GPRC6A: variants seen among roughly 807,000 people sequenced by gnomAD.
GPRC6A encodes the protein G protein-coupled receptor family C group 6 member A.
GPRC6A carries 54 observed loss-of-function variants against 47.0 expected under a neutral mutation model. The ratio of observed to expected loss-of-function variants is 1.15; its 90% CI spans 0.92 to 1.44. GPRC6A has a LOEUF of 1.44. Ranked by LOEUF, GPRC6A falls within the 40% of genes most tolerant of loss-of-function variation. GPRC6A has a pLI of 0.00. For synonymous variants in GPRC6A, 347 were observed against 377.1 expected, an observed-to-expected ratio of 0.92 and a Z score of 0.93; for missense variants, 1,112 against 1,105.5, an observed-to-expected ratio of 1.01 and a Z score of -0.08.
intron 1 of GPRC6A, 40 bp downstream of exon 1, chr6:116,828,780 C>G (rs752278193): frequency 3.2e-6 from 5 of 1,556,098 alleles, no homozygotes; most frequent in African/African-American, 2.7e-5. Flanking sequence ...AGTCTCATGA[C>G]AATCTTGAAA....
chr6:116,809,543 A>T lies in GPRC6A; in HGVS notation c.269T>A (p.Leu90Ter). 6.2e-7 allele frequency: 1 copy of T among 1,612,660 alleles called. No homozygotes were observed. Among genetic ancestry groups the T allele is most frequent in the Non-Finnish European group, 8.5e-7 (1 of 1,178,828 alleles). The change falls in exon 2 of 6, where the codon TTA (leucine) becomes TAA (stop). Residue 90 changes from leucine (L) to a stop codon, truncating the protein, a stop_gained. Coordinates refer to ENST00000310357, the MANE Select transcript of GPRC6A (RefSeq NM_148963.4). LOFTEE classifies it high-confidence loss of function. ...TTCATACCCCAGTTTGACTCCAGGT[A>T]AGAGTGTTGAATTGTTGATCATCTC... ...SIEMINNSTL[L>*]PGVKLGYEIY...
At chr6:116,822,656 A>G (rs1773531706) in intron 1 of GPRC6A, among the ~76,000 whole-genome samples, 1 of 147,366 alleles carries the variant, frequency 6.8e-6, no homozygotes, top group Non-Finnish European at 1.5e-5. Flanking sequence ...GTGGGAATTG[A>G]ACAATGAGAT....
intron 1 of GPRC6A, among the ~76,000 whole-genome samples, chr6:116,819,503 A>G (rs1368222523): frequency 2.6e-5 from 4 of 152,194 alleles, no homozygotes. Context: ...ATTATAACAA[A>G]CTATCTCTCA....
At position 116,792,303 on chromosome 6, in the gene GPRC6A, T is replaced by G. The variant is rs535754795; in HGVS notation, c.2620A>C (p.Met874Leu). The stretch of plus-strand genomic sequence containing the variant: ...TTGGTCATTGTGACATTGCCGCTCA[T>G]GGAGTCCAGTGAAGCAGGACTCAGG... The part of the protein sequence containing the change: ...IALSPASLDS[M>L]SGNVTMTNPS... The change falls in exon 6 of 6, where the codon ATG (methionine) becomes CTG (leucine). Residue 874 changes from methionine (M) to leucine (L), a missense_variant. Met to Leu is a conservative substitution (Grantham distance 15). Coordinates refer to ENST00000310357, the MANE Select transcript of GPRC6A (RefSeq NM_148963.4). The G allele has an allele frequency of 5.2e-5, 84 of 1,614,050 alleles. 1 individual carries two copies. In the South Asian group the frequency reaches 9.1e-4, roughly 18 times the overall value.
chr6:116,799,138 T>C (rs1562479244), intron 4 of GPRC6A, among the ~76,000 whole-genome samples: 1 of 152,062 alleles, frequency 6.6e-6, no homozygotes, highest in Non-Finnish European at 1.5e-5. Context: ...GGTGAGTAGG[T>C]TGGGAGAGAA....
At chr6:116,813,321 C>T (rs1773090018) in intron 1 of GPRC6A, among the ~76,000 whole-genome samples, 1 of 152,150 alleles carries the variant, frequency 6.6e-6, no homozygotes, top group Non-Finnish European at 1.5e-5. Flanking sequence ...GCAAAAAGAA[C>T]AAAGCTGGAG....
rs1340047317 is a variant in GPRC6A, at chr6:116,792,936, G to A, written c.1987C>T (p.Gln663Ter). The A allele has an allele frequency of 6.2e-7, 1 of 1,614,078 alleles. No individual in the cohort carries two copies. Among genetic ancestry groups the A allele is most frequent in the South Asian group, 1.1e-5 (1 of 91,086 alleles). The change falls in exon 6 of 6, where the codon CAG (glutamine) becomes TAG (stop). Residue 663 changes from glutamine to a stop codon, truncating the protein, a stop_gained. Transcript: ENST00000310357. LOFTEE classifies it low-confidence loss of function (END_TRUNC). ...EPQDFTCKTR[Q>*]TMFGVSFTLC... is the part of the protein sequence containing the mutation. Reference sequence around the variant, plus strand: ...GTAAAGCTCACTCCAAACATTGTCTGCCTGGTTTTACATGTGAAGTCTTGT... The same window carrying A: ...GTAAAGCTCACTCCAAACATTGTCTACCTGGTTTTACATGTGAAGTCTTGT...
intron 5 of GPRC6A, among the ~76,000 whole-genome samples, chr6:116,794,670 C>G (rs73559545): frequency 0.024 from 3,720 of 152,176 alleles, 152 homozygotes; most frequent in African/African-American, 0.085. Flanking sequence ...TGAAAAACTC[C>G]CTCGCTAATT....
rs138131542 is a variant in GPRC6A, at chr6:116,809,047, C to T, written c.498+267G>A. On this transcript the variant is annotated intron_variant, in intron 2 of 5. Coordinates refer to ENST00000310357, the MANE Select transcript of GPRC6A (RefSeq NM_148963.4). ...TTTCCTTTTGCTTCAGCTGATCTAGCCAGATTGGCCTTTTTGCTATTCTTT... is the reference window on the plus strand; with the variant it reads ...TTTCCTTTTGCTTCAGCTGATCTAGTCAGATTGGCCTTTTTGCTATTCTTT... Among the ~76,000 whole-genome samples the T allele has an allele frequency of 1.1e-3, 161 of 152,260 alleles. 1 individual carries two copies. Among genetic ancestry groups the T allele is most frequent in the Non-Finnish European group, 3.5e-4 (24 of 68,018 alleles).
At chr6:116,821,893 C>G (rs963081117) in intron 1 of GPRC6A, among the ~76,000 whole-genome samples, 9 of 150,114 alleles carry the variant, frequency 6.0e-5, no homozygotes, top group African/African-American at 2.0e-4. Context: ...TTCTGCACAG[C>G]AAAAGAAACT....
chr6:116,822,436 C>G (rs1170718582), intron 1 of GPRC6A, among the ~76,000 whole-genome samples: 4 of 131,524 alleles, frequency 3.0e-5, no homozygotes, highest in Non-Finnish European at 6.3e-5. Flanking sequence ...GCATTATTCA[C>G]AATAGCAAAG....
rs1266114406 is a variant in GPRC6A at position 116,792,557 on chromosome 6, A to G, written c.2366T>C (p.Leu789Pro). 1 of 1,612,634 alleles carries G rather than the reference A, an allele frequency of 6.2e-7. No homozygotes were observed. Among genetic ancestry groups the G allele is most frequent in the Non-Finnish European group, 8.5e-7 (1 of 1,179,178 alleles). ...NEAKFITFGM[L>P]IYFIAWITFI... ...TGTGATCCAAGCTATGAAGTAAATG[A>G]GCATGCCAAATGTAATGAATTTGGC... Residue 789 changes from leucine to proline, a missense_variant, in exon 6 of 6, where the codon CTC becomes CCC. Coordinates refer to ENST00000310357, the MANE Select transcript of GPRC6A (RefSeq NM_148963.4).
chr6:116,827,264 G>A (rs1399200923), intron 1 of GPRC6A, among the ~76,000 whole-genome samples: 1 of 151,842 alleles, frequency 6.6e-6, no homozygotes, highest in Non-Finnish European at 1.5e-5. Context: ...CAAAAAGCCT[G>A]ACTTGATCAT....
Position 116,806,422 on chromosome 6 carries a change from TC to T in GPRC6A, c.1282del (p.Asp428IlefsTer23). Reference protein sequence around the residue: ...AVFALGYAIRDLCQARDCQNP... With the variant: ...AVFALGYAIRXLCQARDCQNP... ...CTGACAGTCACGAGCTTGACACAGA[TC>T]CCGAATGGCATAACCAAGGGCAAAC... On this transcript the variant is annotated frameshift_variant, in exon 3 of 6. Transcript: ENST00000310357. LOFTEE classifies it high-confidence loss of function. The T allele has an allele frequency of 1.2e-6, 2 of 1,613,274 alleles. No homozygotes were observed. The highest frequency in any genetic ancestry group is 8.5e-7 in the Non-Finnish European group (1 of 1,179,602).
intron 1 of GPRC6A, 91 bp downstream of exon 1, chr6:116,828,729 A>T: frequency 9.6e-7 from 1 of 1,036,914 alleles, no homozygotes; most frequent in Non-Finnish European, 1.4e-6. Flanking sequence ...ATTTTTTTAA[A>T]TGATTTAGAT....
Position 116,806,960 on chromosome 6 carries a change from G to A in GPRC6A, c.745C>T (p.Leu249Phe). The A allele has an allele frequency of 6.2e-7, 1 of 1,613,570 alleles. No homozygotes were observed. The highest frequency in any genetic ancestry group is 8.5e-7 in the Non-Finnish European group (1 of 1,179,708). Residue 249 changes from leucine to phenylalanine, a missense_variant, in exon 3 of 6, where the codon CTT (leucine) becomes TTT (phenylalanine). Coordinates refer to ENST00000310357, the MANE Select transcript of GPRC6A (RefSeq NM_148963.4). ...CTGACTTCAATGGTATTATCTGAAA[G>A]AAAGGCTGGAAGAACCTCTTTGAAG... ...IAFKEVLPAF[L>F]SDNTIEVRIN...
chr6:116,796,089 A>C (rs1253639984), intron 4 of GPRC6A, among the ~76,000 whole-genome samples: 2 of 152,132 alleles, frequency 1.3e-5, no homozygotes, highest in African/African-American at 4.8e-5. Flanking sequence ...GCCCTTTCAG[A>C]AAGTCCCTAG....
At chr6:116,819,233 A>G (rs1366617058) in intron 1 of GPRC6A, among the ~76,000 whole-genome samples, 2 of 151,368 alleles carry the variant, frequency 1.3e-5, no homozygotes, top group African/African-American at 4.9e-5. Context: ...CTACAAAGAG[A>G]CTTAGACTCC....
intron 1 of GPRC6A, among the ~76,000 whole-genome samples, chr6:116,811,983 C>T (rs1019023295): frequency 1.3e-5 from 2 of 152,036 alleles, no homozygotes; most frequent in Non-Finnish European, 1.5e-5. Context: ...AAAAACTTTC[C>T]ACATCCAGCA....
Sources: allele counts gnomAD v4.1 joint callset (sites outside exome capture counted in the v4.1 genomes callset), GRCh38; gene constraint gnomAD v4.1.1; transcripts MANE v1.5; gene names NCBI Gene and HGNC (gene_info 2026-07-23, HGNC 2026-07-21).